The following SGCZ variants were observed in gnomAD, a reference collection of about 807,000 sequenced individuals.
The protein encoded by SGCZ is zeta-sarcoglycan.
A neutral mutation model predicts 41.3 loss-of-function variants in SGCZ; 40 were observed. The ratio of observed to expected loss-of-function variants is 0.97; its 90% CI spans 0.75 to 1.26. The LOEUF (loss-of-function observed/expected upper bound fraction) is 1.26, where lower values mean the gene tolerates loss of function less well. SGCZ is among the 50% of genes most tolerant of loss of function. The pLI, the probability that SGCZ is intolerant of heterozygous loss-of-function variation, is 0.00. For synonymous variants in SGCZ, 206 were observed against 137.5 expected (o/e 1.50, Z -3.49); for missense variants, 552 against 369.8 (o/e 1.49, Z -4.04).
chr8:15,158,867 G>T (rs1373266557), intron 1 of SGCZ, among the ~76,000 whole-genome samples: 2 of 152,144 alleles, frequency 1.3e-5, no homozygotes, highest in Non-Finnish European at 2.9e-5. Context: ...AACTCAAGGA[G>T]GGTTATAATC....
intron 1 of SGCZ, among the ~76,000 whole-genome samples, chr8:14,921,774 A>C (rs1057103417): frequency 6.6e-6 from 1 of 152,176 alleles, no homozygotes; most frequent in Non-Finnish European, 1.5e-5. Context: ...GTTACAATTT[A>C]GTAAAAGTTC....
chr8:14,733,834 TAA>T (rs1798944717), intron 1 of SGCZ, among the ~76,000 whole-genome samples: 1 of 152,306 alleles, frequency 6.6e-6, no homozygotes, highest in South Asian at 2.1e-4. Context: ...GAATAAATCC[TAA>T]GCAATTTTAA....
chr8:14,227,509 T>C (rs919979469), intron 4 of SGCZ, among the ~76,000 whole-genome samples: 1 of 152,078 alleles, frequency 6.6e-6, no homozygotes, highest in Admixed American at 6.6e-5. Flanking sequence ...GATCATATAG[T>C]ATTAAAAATT....
chr8:15,228,221 G>A (rs1801837261), intron 1 of SGCZ, among the ~76,000 whole-genome samples: 1 of 152,144 alleles, frequency 6.6e-6, no homozygotes, highest in Non-Finnish European at 1.5e-5. Flanking sequence ...GGACTCAGAA[G>A]CTCTTAAAAG....
chr8:14,341,711 C>T (rs1008115963), intron 2 of SGCZ, among the ~76,000 whole-genome samples: 7 of 152,098 alleles, frequency 4.6e-5, no homozygotes, highest in Admixed American at 4.6e-4. Context: ...GCCAGTCATT[C>T]CTGTGCTATT....
intron 3 of SGCZ, among the ~76,000 whole-genome samples, chr8:14,238,895 A>G (rs946103665): frequency 1.3e-5 from 2 of 152,008 alleles, no homozygotes; most frequent in African/African-American, 2.4e-5. Flanking sequence ...GTCAATATAC[A>G]AGTGCTTTCA....
chr8:14,272,685 T>A (rs534253541), intron 3 of SGCZ, among the ~76,000 whole-genome samples: 2 of 152,308 alleles, frequency 1.3e-5, no homozygotes, highest in East Asian at 3.9e-4. Context: ...TTTAAGCCAT[T>A]GACTCTTTCT....
intron 3 of SGCZ, among the ~76,000 whole-genome samples, chr8:14,239,054 C>T (rs2117172196): frequency 6.6e-6 from 1 of 151,378 alleles, no homozygotes; most frequent in African/African-American, 2.4e-5. Flanking sequence ...ATAGGTGTAA[C>T]TACCTACAGA....
rs571087900 is a variant in SGCZ at position 14,987,473 on chromosome 8, G to C, written c.39+250112C>G. On this transcript the variant is annotated intron_variant, in intron 1 of 7. Transcript: ENST00000382080. ...TGTGCCAATAACTGATCATCTTTCT[G>C]CTGTGAAATATTGTACTCACTGTAT... Among the ~76,000 whole-genome samples the C allele has an allele frequency of 2.0e-5, 3 of 151,894 alleles. No homozygotes were observed. The South Asian group carries it at 6.2e-4, about 32-fold the overall frequency.
chr8:14,457,607 A>G (rs1800785664), intron 2 of SGCZ, among the ~76,000 whole-genome samples: 1 of 152,198 alleles, frequency 6.6e-6, no homozygotes, highest in African/African-American at 2.4e-5. Context: ...CATCCTGTAC[A>G]CCTGGCTCTG....
chr8:15,136,574 C>T (rs1193611230), intron 1 of SGCZ, among the ~76,000 whole-genome samples: 1 of 152,046 alleles, frequency 6.6e-6, no homozygotes, highest in Admixed American at 6.6e-5. Context: ...CTGGAGGTAA[C>T]TGAATCATGG....
At position 14,195,316 on chromosome 8, in the gene SGCZ, C is replaced by T. The variant is rs576567133; in HGVS notation, c.425-30614G>A. ...AGAATACGCTGAAAAGGGTTGACAGCAGATTAGACATTACAGCTGAAAATA... is the reference window on the plus strand; with the variant it reads ...AGAATACGCTGAAAAGGGTTGACAGTAGATTAGACATTACAGCTGAAAATA... On this transcript the variant is annotated intron_variant, in intron 4 of 7. Transcript: ENST00000382080. 2.0e-5 allele frequency among the ~76,000 whole-genome samples: 3 copies of T among 152,100 alleles called. 1 individual carries two copies. The South Asian group carries it at 6.2e-4, about 32-fold the overall frequency.
chr8:14,539,264 T>C (rs150666783), intron 2 of SGCZ, among the ~76,000 whole-genome samples: 278 of 152,136 alleles, frequency 1.8e-3, no homozygotes, highest in Non-Finnish European at 3.0e-3. Context: ...TACAAAACCA[T>C]GTGAACCAAT....
intron 2 of SGCZ, among the ~76,000 whole-genome samples, chr8:14,450,414 T>A (rs1349732793): frequency 6.6e-6 from 1 of 152,174 alleles, no homozygotes; most frequent in African/African-American, 2.4e-5. Flanking sequence ...CAGCCCAACA[T>A]AAAGGGTCAG....
chr8:14,680,807 C>G (rs534883373), intron 1 of SGCZ, among the ~76,000 whole-genome samples: 3 of 151,550 alleles, frequency 2.0e-5, no homozygotes, highest in Non-Finnish European at 4.4e-5. Context: ...TAAAAAGACA[C>G]AAATTAAACT....
intron 2 of SGCZ, among the ~76,000 whole-genome samples, chr8:14,370,132 G>A (rs1803860323): frequency 6.6e-6 from 1 of 151,920 alleles, no homozygotes; most frequent in South Asian, 2.1e-4. Flanking sequence ...AGGATATGAG[G>A]TGACTAGTTT....
intron 1 of SGCZ, among the ~76,000 whole-genome samples, chr8:15,028,749 C>G (rs181595842): frequency 6.6e-6 from 1 of 151,988 alleles, no homozygotes; most frequent in Non-Finnish European, 1.5e-5. Flanking sequence ...GAGATAGGTT[C>G]TTTTATTTAT....
intron 1 of SGCZ, among the ~76,000 whole-genome samples, chr8:14,869,725 A>C (rs1300897736): frequency 6.6e-6 from 1 of 152,202 alleles, no homozygotes; most frequent in Non-Finnish European, 1.5e-5. Flanking sequence ...TAAGGTGATA[A>C]GCAACTTCAG....
In SGCZ at chr8:14,840,737, A is replaced by T. The variant is rs184222936; in HGVS notation, c.40-285811T>A. ...ATTTTATAAGCCATTTAATCTTCAC[A>T]GAACTTAGTTTTACCTAAAAAAGAA... On this transcript the variant is annotated intron_variant, in intron 1 of 7. Transcript: ENST00000382080. 1.9e-3 allele frequency among the ~76,000 whole-genome samples: 289 copies of T among 152,254 alleles called. 1 individual carries two copies. Among genetic ancestry groups the T allele is most frequent in the Non-Finnish European group, 2.6e-3 (180 of 67,974 alleles).
Sources: gnomAD v4.1 joint callset for allele counts (sites outside exome capture counted in the v4.1 genomes callset) on GRCh38, gnomAD v4.1.1 for gene constraint, MANE v1.5 for transcripts, NCBI Gene and HGNC (gene_info 2026-07-23, HGNC 2026-07-21) for gene names.